The following CSMD1 variants were observed in gnomAD, a reference collection of about 807,000 sequenced individuals.
The protein encoded by CSMD1 is CUB and Sushi multiple domains 1.
A neutral mutation model predicts 417.5 loss-of-function variants in CSMD1; 213 were observed. The ratio of observed to expected loss-of-function variants is 0.51; its 90% CI spans 0.46 to 0.57. The LOEUF (loss-of-function observed/expected upper bound fraction) is 0.57, where lower values mean the gene tolerates loss of function less well. Among genes scored for constraint, CSMD1 ranks in the 20% least tolerant of loss-of-function variants. CSMD1 has a pLI of 0.00. For synonymous variants in CSMD1, 2,862 were observed against 1,736.8 expected (o/e 1.65, Z -16.11); for missense variants, 6,923 against 4,529.7 (o/e 1.53, Z -15.17).
At chr8:4,005,509 A>T (rs1816042466) in intron 4 of CSMD1, among the ~76,000 whole-genome samples, 1 of 152,156 alleles carries the variant, frequency 6.6e-6, no homozygotes, top group Non-Finnish European at 1.5e-5. Context: ...TCATGTGGCG[A>T]TACACTTGCC....
At chr8:3,670,020 A>G (rs547165029) in intron 7 of CSMD1, among the ~76,000 whole-genome samples, 1 of 152,204 alleles carries the variant, frequency 6.6e-6, no homozygotes, top group Non-Finnish European at 1.5e-5. Flanking sequence ...TAAGTTATGT[A>G]AAAGGCAGTG....
At chr8:3,367,002 GGAGA>G (rs760131480) in intron 20 of CSMD1, 26 bp downstream of exon 20, 4 of 1,539,244 alleles carry the variant, frequency 2.6e-6, no homozygotes, top group South Asian at 2.3e-5. Flanking sequence ...TGTTGCCAGA[GGAGA>G]GAAACAGCAA....
At chr8:4,594,286 C>T (rs1032541726) in intron 2 of CSMD1, among the ~76,000 whole-genome samples, 3 of 148,784 alleles carry the variant, frequency 2.0e-5, no homozygotes, top group African/African-American at 7.4e-5. Flanking sequence ...TCACTGCAAC[C>T]TCTGACTCCT....
At chr8:3,328,876 G>C (rs1042669894) in intron 23 of CSMD1, among the ~76,000 whole-genome samples, 2 of 152,156 alleles carry the variant, frequency 1.3e-5, no homozygotes, top group Non-Finnish European at 2.9e-5. Flanking sequence ...TCCATGAAGA[G>C]TCTTAAGGTC....
chr8:4,226,489 C>G (rs1801365235), intron 3 of CSMD1, among the ~76,000 whole-genome samples: 1 of 152,144 alleles, frequency 6.6e-6, no homozygotes, highest in African/African-American at 2.4e-5. Context: ...TTTTACAGGA[C>G]TTTGCAGTAA....
intron 2 of CSMD1, among the ~76,000 whole-genome samples, chr8:4,628,987 C>T (rs759768467): frequency 6.6e-6 from 1 of 152,076 alleles, no homozygotes; most frequent in Non-Finnish European, 1.5e-5. Context: ...CTTCTCAGAT[C>T]CGCAAATAAA....
At chr8:4,001,729 C>A (rs1815689149) in intron 4 of CSMD1, among the ~76,000 whole-genome samples, 2 of 152,122 alleles carry the variant, frequency 1.3e-5, no homozygotes, top group African/African-American at 4.8e-5. Flanking sequence ...ACTGGGCCAG[C>A]ATGAGTACTA....
At chr8:3,803,486 G>T (rs991972924) in intron 5 of CSMD1, among the ~76,000 whole-genome samples, 12 of 152,182 alleles carry the variant, frequency 7.9e-5, no homozygotes, top group Non-Finnish European at 1.8e-4. Context: ...TTCAGAGGCT[G>T]AATAACAAGA....
intron 1 of CSMD1, among the ~76,000 whole-genome samples, chr8:4,891,035 T>C (rs7815868): frequency 0.95 from 144,998 of 152,188 alleles, 69,230 homozygotes; most frequent in East Asian, 1. Flanking sequence ...GTGGAAATGG[T>C]TCCATTCATT....
intron 1 of CSMD1, among the ~76,000 whole-genome samples, chr8:4,784,986 C>A (rs907624118): frequency 6.6e-6 from 1 of 152,150 alleles, no homozygotes; most frequent in Non-Finnish European, 1.5e-5. Flanking sequence ...AAATGGAAGT[C>A]CTCAAGTTTT....
chr8:3,269,069 CAG>C (rs1260712832), intron 26 of CSMD1, among the ~76,000 whole-genome samples: 1 of 152,212 alleles, frequency 6.6e-6, no homozygotes, highest in Non-Finnish European at 1.5e-5. Context: ...GAAAATGAAT[CAG>C]AGCTAAAATC....
At chr8:3,151,247 A>C in intron 40 of CSMD1, 150 bp downstream of exon 40, 1 of 541,428 alleles carries the variant, frequency 1.8e-6, no homozygotes, top group South Asian at 2.9e-5. Flanking sequence ...TCTCAAAGTT[A>C]CTCTGCCAAA....
chr8:4,699,291 T>A (rs1363211896), intron 1 of CSMD1, among the ~76,000 whole-genome samples: 1 of 152,166 alleles, frequency 6.6e-6, no homozygotes, highest in East Asian at 1.9e-4. Context: ...CAACAGTACC[T>A]CTCTGTTTCT....
At chr8:4,960,833 C>T (rs1269232180) in intron 1 of CSMD1, among the ~76,000 whole-genome samples, 2 of 152,066 alleles carry the variant, frequency 1.3e-5, no homozygotes, top group Non-Finnish European at 2.9e-5. Context: ...CAAATGAATT[C>T]ATTTACATCA....
intron 2 of CSMD1, among the ~76,000 whole-genome samples, chr8:4,463,858 C>G (rs770757667): frequency 6.6e-6 from 1 of 152,080 alleles, no homozygotes; most frequent in Non-Finnish European, 1.5e-5. Context: ...TTAAAAAGCA[C>G]TGAAGAGTAC....
At chr8:4,050,323 G>T (rs1372254805) in intron 3 of CSMD1, among the ~76,000 whole-genome samples, 2 of 152,114 alleles carry the variant, frequency 1.3e-5, no homozygotes, top group Non-Finnish European at 2.9e-5. Flanking sequence ...ACGAAAGGAG[G>T]CTAGTTATAC....
At chr8:4,485,399 G>T (rs77470831) in intron 2 of CSMD1, among the ~76,000 whole-genome samples, 2 of 152,014 alleles carry the variant, frequency 1.3e-5, no homozygotes, top group African/African-American at 4.8e-5. Flanking sequence ...CTACAGACGG[G>T]GCCTGATAAA....
chr8:4,635,923 G>C (rs891422258), intron 2 of CSMD1, among the ~76,000 whole-genome samples: 1 of 150,558 alleles, frequency 6.6e-6, no homozygotes, highest in Non-Finnish European at 1.5e-5. Context: ...ACTAAAAACA[G>C]ATAATAGATA....
intron 2 of CSMD1, among the ~76,000 whole-genome samples, chr8:4,526,033 G>A (rs949483142): frequency 5.3e-5 from 8 of 152,094 alleles, no homozygotes; most frequent in African/African-American, 1.7e-4. Flanking sequence ...GGAGTGGAGC[G>A]GGTGATGAAT....
Sources: allele counts gnomAD v4.1 joint callset (sites outside exome capture counted in the v4.1 genomes callset), GRCh38; gene constraint gnomAD v4.1.1; transcripts MANE v1.5; gene names NCBI Gene and HGNC (gene_info 2026-07-23, HGNC 2026-07-21).